POLK: variants seen among roughly 807,000 people sequenced by gnomAD.
POLK encodes the protein polymerase (DNA directed) kappa.
In POLK, 76 loss-of-function variants were observed where a neutral mutation model predicts 94.0. The ratio of observed to expected loss-of-function variants is 0.81; its 90% confidence interval spans 0.67 to 0.98. POLK has a LOEUF of 0.98. Ranked by LOEUF, POLK falls within the 50% of genes least tolerant of loss-of-function variation. The pLI, the probability that POLK is intolerant of heterozygous loss-of-function variation, is 0.00. For missense variants in POLK, 954 were observed against 1,010.1 expected, an observed-to-expected ratio of 0.94 and a Z score of 0.75; for synonymous variants, 349 against 325.4, an observed-to-expected ratio of 1.07 and a Z score of -0.78.
chr5:75,552,484 T>C, exon 3 of POLK: 1 of 1,611,240 alleles, frequency 6.2e-7, no homozygotes. Flanking sequence ...GTCCAGATTT[T>C]ATGGAAATGA....
chr5:75,593,946 A>G (rs1413831098), exon 12 of POLK: 1 of 1,607,990 alleles, frequency 6.2e-7, no homozygotes, highest in Non-Finnish European at 8.5e-7. Flanking sequence ...CTACAGTTTC[A>G]TCTGTTGTTT....
At chr5:75,571,479 C>T (rs751923719) in intron 4 of POLK, among the ~76,000 whole-genome samples, 2 of 152,234 alleles carry the variant, frequency 1.3e-5, no homozygotes, top group Non-Finnish European at 1.5e-5. Flanking sequence ...AGTGCGATGG[C>T]GATGGCTCAA....
intron 7 of POLK, chr5:75,581,653 G>GAA: frequency 2.0e-6 from 1 of 499,902 alleles, no homozygotes. Context: ...GAGCCTGAAG[G>GAA]AAAAAAAAGA....
chr5:75,549,990 A>G (rs1307200809), intron 2 of POLK, among the ~76,000 whole-genome samples: 5 of 152,118 alleles, frequency 3.3e-5, no homozygotes, highest in Non-Finnish European at 7.4e-5. Flanking sequence ...GTAATTAAAA[A>G]TCTCCCCATC....
intron 5 of POLK, among the ~76,000 whole-genome samples, chr5:75,575,423 A>T (rs1320301185): frequency 6.6e-6 from 1 of 152,160 alleles, no homozygotes; most frequent in African/African-American, 2.4e-5. Flanking sequence ...TCAAAAAATT[A>T]TCCTGCCCAG....
chr5:75,588,085 CAAAG>C (rs1366638895), intron 10 of POLK, among the ~76,000 whole-genome samples: 3 of 150,972 alleles, frequency 2.0e-5, no homozygotes, highest in Admixed American at 1.3e-4. Context: ...TGAAAGCAAT[CAAAG>C]AGAGAGAGAA....
intron 11 of POLK, among the ~76,000 whole-genome samples, chr5:75,592,556 A>AT (rs913185656): frequency 2.6e-5 from 4 of 152,048 alleles, no homozygotes; most frequent in African/African-American, 9.7e-5. Context: ...ACTACTAAAA[A>AT]TGGTGGCGGG....
At chr5:75,584,902 G>A (rs746364862) in exon 9 of POLK, 10 of 1,602,142 alleles carry the variant, frequency 6.2e-6, no homozygotes, top group Non-Finnish European at 7.7e-6. Flanking sequence ...ATCTCCTTGG[G>A]TCTAGGTTCA....
intron 12 of POLK, among the ~76,000 whole-genome samples, chr5:75,595,961 G>T (rs754116575): frequency 1.3e-4 from 20 of 152,158 alleles, no homozygotes; most frequent in Non-Finnish European, 2.4e-4. Context: ...TTAGTTACTG[G>T]TATTAATTTA....
exon 12 of POLK, chr5:75,593,945 C>T: frequency 6.2e-7 from 1 of 1,607,916 alleles, no homozygotes; most frequent in Non-Finnish European, 8.5e-7. Flanking sequence ...TCTACAGTTT[C>T]ATCTGTTGTT....
intron 2 of POLK, among the ~76,000 whole-genome samples, 198 bp downstream of exon 2, chr5:75,547,355 A>G (rs1770082241): frequency 1.3e-5 from 2 of 152,040 alleles, no homozygotes; most frequent in Non-Finnish European, 1.5e-5. Context: ...TCACATGCAT[A>G]TAATAGGCAT....
chr5:75,597,174 T>C, exon 13 of POLK: 1 of 1,455,900 alleles, frequency 6.9e-7, no homozygotes, highest in Non-Finnish European at 9.6e-7. Flanking sequence ...GCTCCAGAAG[T>C]ACTGGTAAGT....
intron 12 of POLK, among the ~76,000 whole-genome samples, chr5:75,594,570 G>C (rs1772968456): frequency 6.6e-6 from 1 of 152,230 alleles, no homozygotes; most frequent in Non-Finnish European, 1.5e-5. Flanking sequence ...TGCATGTAGA[G>C]TATATTACGT....
rs879581699 is a variant in POLK at position 75,515,570 on chromosome 5, T to A, written c.-14+3656T>A. ...ATTGTGAATAGTGCTGTAATAAACG[T>A]GTGAGTGCAGATATCTCTTCAATGT... is the stretch of plus-strand genomic sequence containing the variant. On this transcript the variant is annotated intron_variant, in intron 1 of 14. Transcript: ENST00000241436. 1.2e-4 allele frequency among the ~76,000 whole-genome samples: 19 copies of A among 152,236 alleles called. No individual in the cohort carries two copies. The Middle Eastern group carries it at 0.014, about 110-fold the overall frequency.
At chr5:75,529,287 ACT>A (rs1223688358) in intron 1 of POLK, among the ~76,000 whole-genome samples, 3 of 151,792 alleles carry the variant, frequency 2.0e-5, no homozygotes, top group African/African-American at 7.3e-5. Context: ...GAGGTGCCAC[ACT>A]CTTTTTAACA....
At chr5:75,515,581 A>C (rs1321317526) in intron 1 of POLK, among the ~76,000 whole-genome samples, 1 of 152,128 alleles carries the variant, frequency 6.6e-6, no homozygotes, top group Non-Finnish European at 1.5e-5. Context: ...GTGAGTGCAG[A>C]TATCTCTTCA....
chr5:75,542,799 A>G (rs1280015230), intron 1 of POLK, among the ~76,000 whole-genome samples: 1 of 149,070 alleles, frequency 6.7e-6, no homozygotes, highest in Non-Finnish European at 1.5e-5. Flanking sequence ...TGCAACCGCC[A>G]CCTCCCAGTT....
At chr5:75,516,617 AT>A (rs766298948) in intron 1 of POLK, among the ~76,000 whole-genome samples, 4 of 152,184 alleles carry the variant, frequency 2.6e-5, no homozygotes, top group Non-Finnish European at 5.9e-5. Context: ...GAAAGCTGTG[AT>A]TACACCACTG....
the POLK span, among the ~76,000 whole-genome samples, chr5:75,606,644 A>T: frequency 6.6e-6 from 1 of 150,478 alleles, no homozygotes; most frequent in Non-Finnish European, 1.5e-5. Flanking sequence ...GACACAGCAC[A>T]TGTTTCAGAG....
Sources: allele counts gnomAD v4.1 joint callset (sites outside exome capture counted in the v4.1 genomes callset), GRCh38; gene constraint gnomAD v4.1.1; transcripts MANE v1.5; gene names NCBI Gene and HGNC (gene_info 2026-07-23, HGNC 2026-07-21).